CERS6: variants seen among roughly 807,000 people sequenced by gnomAD.
CERS6 encodes LAG1 homolog, ceramide synthase 6.
Under a neutral mutation model 56.8 loss-of-function variants are expected in CERS6, and 26 were observed. The ratio of observed to expected loss-of-function variants is 0.46; its 90% CI spans 0.34 to 0.63. CERS6 has a LOEUF of 0.63. CERS6 is among the 30% of genes least tolerant of loss of function. CERS6 has a pLI of 0.01. For synonymous variants in CERS6, 164 were observed against 173.3 expected, an observed-to-expected ratio of 0.95 and a Z score of 0.42; for missense variants, 415 against 467.5, an observed-to-expected ratio of 0.89 and a Z score of 1.04.
In CERS6 at chr2:168,539,512, G is replaced by A. The variant is rs190683777; in HGVS notation, c.171-8084G>A. 3.8e-4 allele frequency among the ~76,000 whole-genome samples: 58 copies of A among 152,176 alleles called. No homozygotes were observed. In the East Asian group the frequency reaches 8.5e-3, roughly 22 times the overall value. On this transcript the variant is annotated intron_variant, in intron 1 of 9. Coordinates refer to ENST00000305747, the MANE Select transcript of CERS6 (RefSeq NM_203463.3). Reference sequence around the variant, plus strand: ...ATAGCAGTCCCCTTTCTCCATCCTGGCCTTCATTCCACTAAATATTTGTTT... The same window carrying A: ...ATAGCAGTCCCCTTTCTCCATCCTGACCTTCATTCCACTAAATATTTGTTT...
At chr2:168,760,619 T>A (rs531646364) in intron 8 of CERS6, among the ~76,000 whole-genome samples, 4 of 152,264 alleles carry the variant, frequency 2.6e-5, no homozygotes, top group African/African-American at 7.2e-5. Flanking sequence ...ACTCCTGAAG[T>A]ACCTCCCAGA....
chr2:168,583,497 TGAG>T (rs1683469517), intron 3 of CERS6, among the ~76,000 whole-genome samples: 1 of 152,362 alleles, frequency 6.6e-6, no homozygotes, highest in East Asian at 1.9e-4. Context: ...CTTTCGAATT[TGAG>T]GAGTAGATTG....
chr2:168,705,710 T>G (rs896536135), intron 6 of CERS6, among the ~76,000 whole-genome samples: 4 of 152,218 alleles, frequency 2.6e-5, no homozygotes, highest in Non-Finnish European at 5.9e-5. Context: ...TGATGGCTTT[T>G]GAGTCCTGGG....
At chr2:168,574,397 T>C in intron 3 of CERS6, among the ~76,000 whole-genome samples, 1 of 45,360 alleles carries the variant, frequency 2.2e-5, no homozygotes, top group East Asian at 6.0e-4. Flanking sequence ...TGTGTGTGTG[T>C]GTGTGTGTGT....
chr2:168,739,052 A>ATTTTTTTTTTTTTT (rs59967315), intron 8 of CERS6, among the ~76,000 whole-genome samples: 10 of 87,642 alleles, frequency 1.1e-4, no homozygotes, highest in African/African-American at 2.0e-4. Context: ...CACCCGGCTA[A>ATTTTTTTTTTTTTT]TTTTTTTTTT....
chr2:168,463,935 T>G (rs1272580502), intron 1 of CERS6, among the ~76,000 whole-genome samples: 2 of 152,144 alleles, frequency 1.3e-5, no homozygotes, highest in Admixed American at 1.3e-4. Context: ...TTGCTTTGAA[T>G]TGAAAGAAAT....
intron 1 of CERS6, among the ~76,000 whole-genome samples, chr2:168,521,976 A>T (rs1278323458): frequency 6.6e-6 from 1 of 152,184 alleles, no homozygotes; most frequent in African/African-American, 2.4e-5. Context: ...CACCTCCATC[A>T]TTGAAAGCCT....
chr2:168,570,604 G>C (rs1695967824), intron 3 of CERS6, among the ~76,000 whole-genome samples: 1 of 152,082 alleles, frequency 6.6e-6, no homozygotes, highest in Admixed American at 6.6e-5. Context: ...TGACTTCTGG[G>C]TACAGGAGTT....
intron 3 of CERS6, among the ~76,000 whole-genome samples, chr2:168,626,070 T>C (rs2105290368): frequency 6.6e-6 from 1 of 152,290 alleles, no homozygotes; most frequent in African/African-American, 2.4e-5. Context: ...TTTCCAATCC[T>C]GACTTTCTCT....
intron 5 of CERS6, among the ~76,000 whole-genome samples, chr2:168,691,636 A>G (rs1045642848): frequency 3.3e-5 from 5 of 152,228 alleles, no homozygotes; most frequent in Admixed American, 6.5e-5. Context: ...GATTAAAATC[A>G]TATCCCAGAA....
At chr2:168,661,792 C>G (rs956144351) in intron 4 of CERS6, among the ~76,000 whole-genome samples, 1 of 152,176 alleles carries the variant, frequency 6.6e-6, no homozygotes, top group Admixed American at 6.5e-5. Flanking sequence ...GCCTGGCTCC[C>G]GGGCTCCCCA....
intron 4 of CERS6, among the ~76,000 whole-genome samples, chr2:168,656,500 C>T (rs1185284810): frequency 1.3e-5 from 2 of 151,066 alleles, no homozygotes; most frequent in Admixed American, 6.6e-5. Context: ...TTCGTGGTCT[C>T]GCTGGCTCAG....
intron 3 of CERS6, among the ~76,000 whole-genome samples, chr2:168,568,579 G>A (rs936102496): frequency 2.8e-4 from 13 of 46,872 alleles, no homozygotes; most frequent in South Asian, 2.4e-3. Flanking sequence ...ATACAGTGTC[G>A]TATTTTATAC....
chr2:168,527,895 A>AT (rs1415589730), intron 1 of CERS6, among the ~76,000 whole-genome samples: 7 of 151,862 alleles, frequency 4.6e-5, no homozygotes, highest in Non-Finnish European at 8.8e-5. Context: ...TAATTTTTGC[A>AT]TTTTTTGTAG....
chr2:168,487,175 C>A (rs1042926744), intron 1 of CERS6, among the ~76,000 whole-genome samples: 18 of 152,294 alleles, frequency 1.2e-4, no homozygotes, highest in African/African-American at 3.8e-4. Context: ...TGATGATCCA[C>A]TTGTACTGCA....
At chr2:168,626,637 G>T (rs1684597420) in intron 3 of CERS6, among the ~76,000 whole-genome samples, 1 of 152,168 alleles carries the variant, frequency 6.6e-6, no homozygotes, top group South Asian at 2.1e-4. Flanking sequence ...ACGTCTCTAG[G>T]CAAAGCAGGG....
intron 3 of CERS6, among the ~76,000 whole-genome samples, chr2:168,575,431 C>CT (rs1470988696): frequency 6.6e-6 from 1 of 151,692 alleles, no homozygotes; most frequent in African/African-American, 2.4e-5. Context: ...TGAGGAAGTG[C>CT]CACTTCCTCA....
chr2:168,685,746 G>A (rs1426055101), intron 4 of CERS6, among the ~76,000 whole-genome samples: 1 of 152,008 alleles, frequency 6.6e-6, no homozygotes, highest in Non-Finnish European at 1.5e-5. Flanking sequence ...GCCAGGATCA[G>A]GTTTGCTCAG....
chr2:168,741,744 G>C (rs754956681), intron 8 of CERS6, among the ~76,000 whole-genome samples: 7 of 152,158 alleles, frequency 4.6e-5, no homozygotes, highest in Non-Finnish European at 8.8e-5. Context: ...AGCTCAGGCA[G>C]GCATGCTGTA....
Sources: allele counts gnomAD v4.1 joint callset (sites outside exome capture counted in the v4.1 genomes callset), GRCh38; gene constraint gnomAD v4.1.1; transcripts MANE v1.5; gene names NCBI Gene and HGNC (gene_info 2026-07-23, HGNC 2026-07-21).